ZNF385D: variants seen among roughly 807,000 people sequenced by gnomAD.
The protein encoded by ZNF385D is zinc finger protein 659.
ZNF385D carries 15 observed loss-of-function variants against 35.8 expected under a neutral mutation model. The observed-to-expected ratio is 0.42, with a 90% CI of 0.28 to 0.64. ZNF385D has a LOEUF of 0.64. ZNF385D is among the 30% of genes least tolerant of loss of function. ZNF385D has a pLI of 0.23. For missense variants in ZNF385D, 474 were observed against 494.6 expected (o/e 0.96, Z 0.39); for synonymous variants, 212 against 186.8 (o/e 1.13, Z -1.10).
At position 21,418,757 on chromosome 3, in the gene ZNF385D, A is replaced by C. The variant is rs1456784599; in HGVS notation, c.*2457T>G. ...AGTGAGACTGCTTTAATTAACACTA[A>C]GTTATCTAACAGAAAGTGAGGCTGT... On this transcript the variant is annotated 3_prime_UTR_variant, in exon 8 of 8. Transcript: ENST00000281523. The C allele has an allele frequency of 6.6e-6, 1 of 152,216 alleles. No individual in the cohort carries two copies. The highest frequency in any genetic ancestry group is 1.9e-4 in the East Asian group (1 of 5,198). The allele number at this position is 152,216 out of a possible 1,614,324, so 9.4% of individuals were successfully genotyped here.
chr3:21,604,717 T>A (rs1264440526), intron 2 of ZNF385D, among the ~76,000 whole-genome samples: 1 of 151,870 alleles, frequency 6.6e-6, no homozygotes. Flanking sequence ...GGAAACTAGG[T>A]TGTAAGAGTC....
At chr3:22,030,133 T>C (rs2125475806) in intron 3 of ZNF385D, among the ~76,000 whole-genome samples, 1 of 151,188 alleles carries the variant, frequency 6.6e-6, no homozygotes, top group East Asian at 1.9e-4. Flanking sequence ...CTTCCTGCTC[T>C]TGAACATCAG....
chr3:21,646,114 G>C lies in ZNF385D; in HGVS notation c.165+18772C>G, dbSNP rs536306396. Among the ~76,000 whole-genome samples the C allele has an allele frequency of 3.2e-4, 48 of 152,228 alleles. No homozygotes were observed. The highest frequency in any genetic ancestry group is 8.9e-4 in the African/African-American group (37 of 41,560). On this transcript the variant is annotated intron_variant, in intron 2 of 7. Transcript: ENST00000281523. This position sits in a 1 kb window ranked among gnomAD's most constrained non-coding sequence, Gnocchi z 4.3. ...AAGTGTCAGATAAGTTTTTTTTAAAGAAAGAAAACCTCAGGGAAATTTTTA... is the reference window on the plus strand; with the variant it reads ...AAGTGTCAGATAAGTTTTTTTTAAACAAAGAAAACCTCAGGGAAATTTTTA...
At chr3:21,806,206 CTTA>C (rs2072637955) in intron 3 of ZNF385D, among the ~76,000 whole-genome samples, 1 of 146,308 alleles carries the variant, frequency 6.8e-6, no homozygotes, top group Non-Finnish European at 1.5e-5. Flanking sequence ...TTTTAAATTT[CTTA>C]TTTTTTTTTT....
intron 1 of ZNF385D, among the ~76,000 whole-genome samples, chr3:21,695,302 T>C (rs895368633): frequency 2.0e-5 from 3 of 152,194 alleles, no homozygotes; most frequent in African/African-American, 7.2e-5. Flanking sequence ...AATTAATCTT[T>C]GGATGCCTCT....
At position 21,807,995 on chromosome 3, in the gene ZNF385D, T is replaced by G. The variant is rs575109218; in HGVS notation, c.326-142967A>C. Among the ~76,000 whole-genome samples the G allele has an allele frequency of 6.6e-5, 10 of 152,338 alleles. No individual in the cohort carries two copies. The East Asian group carries it at 1.9e-3, about 29-fold the overall frequency. On this transcript the variant is annotated intron_variant, in intron 3 of 5. Transcript: ENST00000494108. ...ATTTTGTGTTAGCTCTAACCTCATGTATGACCAAATATGTCTGAAAATAGA... is the reference window on the plus strand; with the variant it reads ...ATTTTGTGTTAGCTCTAACCTCATGGATGACCAAATATGTCTGAAAATAGA...
intron 4 of ZNF385D, among the ~76,000 whole-genome samples, chr3:21,451,165 C>CCGAT (rs1559458692): frequency 7.9e-5 from 12 of 152,078 alleles, no homozygotes; most frequent in Admixed American, 7.9e-4. Context: ...ATATGACGAA[C>CCGAT]CAATCAATAC....
At chr3:22,106,401 CAA>C (rs75876966) in intron 3 of ZNF385D, among the ~76,000 whole-genome samples, 5 of 151,906 alleles carry the variant, frequency 3.3e-5, no homozygotes, top group Non-Finnish European at 5.9e-5. Flanking sequence ...GCTGAAAGGA[CAA>C]AAAAATCTTA....
Position 22,284,940 on chromosome 3 carries a change from C to T in ZNF385D, c.106+87510G>A, listed in dbSNP as rs566897561. ...GCAGGCAGGAAAGAAGTAGCATCAACAAATGAATGTGGAAGGATCAAGATG... is the reference window on the plus strand; with the variant it reads ...GCAGGCAGGAAAGAAGTAGCATCAATAAATGAATGTGGAAGGATCAAGATG... On this transcript the variant is annotated intron_variant, in intron 2 of 5. Coordinates refer to the ZNF385D transcript ENST00000494108. Among the ~76,000 whole-genome samples the T allele has an allele frequency of 2.0e-5, 3 of 151,978 alleles. No homozygotes were observed. In the East Asian group the frequency reaches 5.8e-4, roughly 30 times the overall value.
chr3:22,286,218 T>G (rs556424315), intron 2 of ZNF385D, among the ~76,000 whole-genome samples: 1 of 152,248 alleles, frequency 6.6e-6, no homozygotes, highest in East Asian at 1.9e-4. Context: ...ATAATTAATA[T>G]TTGTCTAATT....
At chr3:21,512,536 C>T (rs1707291976) in intron 3 of ZNF385D, among the ~76,000 whole-genome samples, 1 of 152,132 alleles carries the variant, frequency 6.6e-6, no homozygotes, top group Non-Finnish European at 1.5e-5. Context: ...AGCAAGATAT[C>T]CTCAAAGGAC....
intron 3 of ZNF385D, among the ~76,000 whole-genome samples, chr3:21,845,971 T>C (rs895231549): frequency 1.8e-4 from 28 of 151,994 alleles, no homozygotes; most frequent in Non-Finnish European, 1.5e-5. Context: ...GTAAAGTACT[T>C]AAAGCATGCT....
At chr3:21,689,002 AAAGT>A (rs1390112279) in intron 1 of ZNF385D, among the ~76,000 whole-genome samples, 1 of 152,162 alleles carries the variant, frequency 6.6e-6, no homozygotes, top group East Asian at 1.9e-4. Flanking sequence ...TCTCAGTGAC[AAAGT>A]AAGATTACCT....
chr3:22,194,119 A>G (rs1438786505), intron 2 of ZNF385D, among the ~76,000 whole-genome samples: 2 of 151,862 alleles, frequency 1.3e-5, no homozygotes, highest in African/African-American at 4.8e-5. Flanking sequence ...AACACAGAAG[A>G]ATTATTATTT....
intron 3 of ZNF385D, among the ~76,000 whole-genome samples, chr3:21,775,902 ATAATG>A (rs144897750): frequency 0.024 from 3,632 of 151,868 alleles, 144 homozygotes; most frequent in African/African-American, 0.081. Context: ...ATTTTAAAAA[ATAATG>A]TAAAGAAGAA....
chr3:21,899,003 T>C (rs567287165), intron 3 of ZNF385D, among the ~76,000 whole-genome samples: 10 of 152,242 alleles, frequency 6.6e-5, no homozygotes, highest in African/African-American at 2.4e-4. Flanking sequence ...GAGATTATAA[T>C]ATTCACATTA....
At position 21,419,803 on chromosome 3, in the gene ZNF385D, T is replaced by C. The variant is rs961020633; in HGVS notation, c.*1411A>G. On this transcript the variant is annotated 3_prime_UTR_variant, in exon 8 of 8. Coordinates refer to ENST00000281523, the MANE Select transcript of ZNF385D (RefSeq NM_024697.3). ...ACTGGATGGTTATATAATTATTTTATATAGATTTTTTCTTTTTATAACTTA... is the reference window on the plus strand; with the variant it reads ...ACTGGATGGTTATATAATTATTTTACATAGATTTTTTCTTTTTATAACTTA... 4.6e-5 allele frequency: 7 copies of C among 152,066 alleles called. No individual in the cohort carries two copies. In the East Asian group the frequency reaches 5.8e-4, roughly 13 times the overall value. 9.4% of individuals were successfully genotyped at this position (152,066 alleles called of 1,614,324 possible). A position where few individuals can be genotyped will look rare whatever the true frequency, so the allele number is the denominator to read the frequency against.
At chr3:21,859,358 G>C (rs1696912910) in intron 3 of ZNF385D, among the ~76,000 whole-genome samples, 1 of 151,522 alleles carries the variant, frequency 6.6e-6, no homozygotes, top group African/African-American at 2.4e-5. Context: ...TTATGCATGT[G>C]TGGCTTTATC....
intron 2 of ZNF385D, chr3:21,579,346 T>C (rs2125700176): frequency 6.6e-6 from 1 of 152,276 alleles, no homozygotes; most frequent in East Asian, 1.9e-4. Flanking sequence ...GTGGGTCAAA[T>C]GTTGAAAGCT....
Sources: allele counts gnomAD v4.1 joint callset (sites outside exome capture counted in the v4.1 genomes callset), GRCh38; gene constraint gnomAD v4.1.1; non-coding constraint Gnocchi (gnomAD v3.1); transcripts MANE v1.5; gene names NCBI Gene and HGNC (gene_info 2026-07-23, HGNC 2026-07-21).